Variants in COX10 observed in about 807,000 individuals in gnomAD.
COX10 encodes protoheme IX farnesyltransferase, mitochondrial.
COX10 carries 27 observed loss-of-function variants against 37.3 expected under a neutral mutation model. The ratio of observed to expected loss-of-function variants is 0.72; its 90% CI spans 0.53 to 1.00. COX10 has a LOEUF of 1.00. COX10 is among the 50% of genes least tolerant of loss of function. The pLI, the probability that COX10 is intolerant of heterozygous loss-of-function variation, is 0.00. For missense variants in COX10, 475 were observed against 563.2 expected, an observed-to-expected ratio of 0.84 and a Z score of 1.59; for synonymous variants, 222 against 229.1, an observed-to-expected ratio of 0.97 and a Z score of 0.28.
At chr17:14,205,768 A>AT (rs963725348) in intron 6 of COX10, among the ~76,000 whole-genome samples, 1 of 150,786 alleles carries the variant, frequency 6.6e-6, no homozygotes, top group South Asian at 2.1e-4. Context: ...GCATTGCCTA[A>AT]TTTTTTTTTT....
chr17:14,132,266 T>G (rs1319521578), intron 4 of COX10, among the ~76,000 whole-genome samples: 1 of 151,932 alleles, frequency 6.6e-6, no homozygotes, highest in Non-Finnish European at 1.5e-5. Context: ...TGTGATCACT[T>G]GTGCCTAACA....
rs539153938 is a variant in COX10 at position 14,079,955 on chromosome 17, T to C, written c.499+2899T>C. Among the ~76,000 whole-genome samples, 188 of 152,196 alleles carry C rather than the reference T, an allele frequency of 1.2e-3. 1 individual carries two copies. The highest frequency in any genetic ancestry group is 4.4e-3 in the African/African-American group (184 of 41,558). ...TTCACTGACAATATTCACTGCATACTATTCCATTGTATGGATCTGCCATTA... is the reference window on the plus strand; with the variant it reads ...TTCACTGACAATATTCACTGCATACCATTCCATTGTATGGATCTGCCATTA... On this transcript the variant is annotated intron_variant, in intron 3 of 6. Coordinates refer to ENST00000261643, the MANE Select transcript of COX10 (RefSeq NM_001303.4).
At position 14,207,020 on chromosome 17, in the gene COX10, C is replaced by A; in HGVS notation, c.1139C>A (p.Thr380Asn). 1 of 1,614,096 alleles carries A rather than the reference C, an allele frequency of 6.2e-7. No homozygotes were observed. The change falls in exon 7 of 7, where the codon ACC (threonine) becomes AAC (asparagine). Residue 380 changes from threonine to asparagine, a missense_variant. By Grantham distance (65) the Thr-to-Asn change is moderately conservative (BLOSUM62 0). This residue lies in a region of COX10 where 160 missense variants were observed against 180.6 expected (regional missense o/e 0.89). Transcript: ENST00000261643. ...CCTGTGCTGGACATCACCACATGGACCTTCCCCATCATGGCCCTTCCCATC... is the reference window on the plus strand; with the variant it reads ...CCTGTGCTGGACATCACCACATGGAACTTCCCCATCATGGCCCTTCCCATC... ...AAPVLDITTW[T>N]FPIMALPINA... is the part of the protein sequence containing the mutation.
At chr17:14,088,752 A>T (rs1184677226) in intron 3 of COX10, among the ~76,000 whole-genome samples, 1 of 152,216 alleles carries the variant, frequency 6.6e-6, no homozygotes, top group Non-Finnish European at 1.5e-5. Context: ...TTCTGAGGTT[A>T]GGAGTCTGTA....
chr17:14,113,936 G>A (rs376603893), intron 4 of COX10, among the ~76,000 whole-genome samples: 13 of 152,194 alleles, frequency 8.5e-5, no homozygotes, highest in East Asian at 7.7e-4. Flanking sequence ...CATGTGAGGC[G>A]TTACGACAAT....
At chr17:14,098,311 A>G (rs1053326916) in intron 3 of COX10, among the ~76,000 whole-genome samples, 2 of 152,152 alleles carry the variant, frequency 1.3e-5, no homozygotes, top group African/African-American at 4.8e-5. Context: ...AAATTCTCCC[A>G]TTGATACTAT....
At chr17:14,141,302 G>A in intron 4 of COX10, among the ~76,000 whole-genome samples, 1 of 152,010 alleles carries the variant, frequency 6.6e-6, no homozygotes, top group Non-Finnish European at 1.5e-5. Flanking sequence ...CACTTTGGGA[G>A]GACGAGGTGG....
At chr17:14,162,913 C>T (rs1293061537) in intron 5 of COX10, among the ~76,000 whole-genome samples, 4 of 152,090 alleles carry the variant, frequency 2.6e-5, no homozygotes, top group South Asian at 4.1e-4. Context: ...TTCAGATGAG[C>T]GGGTTGGCTA....
At chr17:14,178,661 C>G (rs1239335155) in intron 5 of COX10, among the ~76,000 whole-genome samples, 1 of 151,936 alleles carries the variant, frequency 6.6e-6, no homozygotes, top group Non-Finnish European at 1.5e-5. Flanking sequence ...CACCATTCAT[C>G]TCTGCTTTTC....
chr17:14,182,890 T>C (rs184849978), intron 5 of COX10, among the ~76,000 whole-genome samples: 1,644 of 151,772 alleles, frequency 0.011, 23 homozygotes, highest in African/African-American at 0.038. Context: ...TATTTAAAAG[T>C]CAGGTAATTT....
chr17:14,116,351 C>G (rs937818939), intron 4 of COX10, among the ~76,000 whole-genome samples: 2 of 152,090 alleles, frequency 1.3e-5, no homozygotes, highest in African/African-American at 4.8e-5. Context: ...TACATTTTCT[C>G]ATCAGAAATT....
intron 6 of COX10, among the ~76,000 whole-genome samples, chr17:14,200,245 T>C (rs1906506990): frequency 6.6e-6 from 1 of 152,192 alleles, no homozygotes; most frequent in South Asian, 2.1e-4. Context: ...TAGCTGGAAT[T>C]GCCTTAGTTT....
chr17:14,150,029 T>G (rs1388582097), intron 4 of COX10, among the ~76,000 whole-genome samples: 2 of 152,042 alleles, frequency 1.3e-5, no homozygotes, highest in African/African-American at 4.8e-5. Flanking sequence ...CCAGCACTCT[T>G]AAGAGGCTGA....
intron 5 of COX10, among the ~76,000 whole-genome samples, chr17:14,176,402 G>A (rs1175273324): frequency 6.6e-6 from 1 of 152,160 alleles, no homozygotes; most frequent in African/African-American, 2.4e-5. Context: ...CCAGGCTGCC[G>A]ATGCTTGTAG....
chr17:14,090,742 C>G (rs1915508366), intron 3 of COX10, among the ~76,000 whole-genome samples: 1 of 152,164 alleles, frequency 6.6e-6, no homozygotes, highest in Admixed American at 6.6e-5. Flanking sequence ...TTTGGGAAGT[C>G]TTCTGGGTTT....
chr17:14,197,601 G>A (rs1314276920), intron 6 of COX10, among the ~76,000 whole-genome samples: 2 of 152,398 alleles, frequency 1.3e-5, no homozygotes, highest in Admixed American at 1.3e-4. Context: ...TGAAGAAAAT[G>A]ACACAGATGA....
intron 4 of COX10, among the ~76,000 whole-genome samples, chr17:14,110,676 T>C (rs527918356): frequency 1.3e-5 from 2 of 152,090 alleles, no homozygotes; most frequent in African/African-American, 2.4e-5. Flanking sequence ...TTTGTTCTTC[T>C]GAATCCCATT....
At chr17:14,092,905 A>T (rs1384702789) in intron 3 of COX10, among the ~76,000 whole-genome samples, 4 of 152,226 alleles carry the variant, frequency 2.6e-5, no homozygotes, top group Non-Finnish European at 5.9e-5. Context: ...GAATTAAGTT[A>T]TACAATTTTG....
chr17:14,157,966 CATT>C (rs1905079399), intron 4 of COX10, among the ~76,000 whole-genome samples: 1 of 152,042 alleles, frequency 6.6e-6, no homozygotes, highest in Admixed American at 6.6e-5. Context: ...TGGTGGTTAT[CATT>C]ATTGGTATGT....
Sources: allele counts gnomAD v4.1 joint callset (sites outside exome capture counted in the v4.1 genomes callset), GRCh38; gene constraint gnomAD v4.1.1; regional missense constraint gnomAD v4.1.1; transcripts MANE v1.5; gene names NCBI Gene and HGNC (gene_info 2026-07-23, HGNC 2026-07-21).